The following SMOC1 variants were observed in gnomAD, a reference collection of about 807,000 sequenced individuals.
SMOC1 encodes the protein SPARC related modular calcium binding 1, also known as SPARC-related modular calcium-binding protein 1.
SMOC1 carries 22 observed loss-of-function variants against 56.3 expected under a neutral mutation model. The ratio of observed to expected loss-of-function variants is 0.39; its 90% CI spans 0.28 to 0.56. The LOEUF (loss-of-function observed/expected upper bound fraction) is 0.56. Among genes scored for constraint, SMOC1 ranks in the 20% least tolerant of loss-of-function variants. The probability of loss-of-function intolerance (pLI) is 0.61; values close to 1 mark genes in which losing one functional copy is unlikely to be tolerated. For synonymous variants in SMOC1, 193 were observed against 215.0 expected (o/e 0.90, Z 0.89); for missense variants, 509 against 565.4 (o/e 0.90, Z 1.01).
chr14:69,936,700 T>C (rs967229521), intron 1 of SMOC1, among the ~76,000 whole-genome samples: 1 of 152,238 alleles, frequency 6.6e-6, no homozygotes, highest in Admixed American at 6.5e-5. Flanking sequence ...TCAATCTGTT[T>C]GGATTCTGTG....
intron 1 of SMOC1, among the ~76,000 whole-genome samples, chr14:69,915,882 C>A (rs1315271606): frequency 1.3e-5 from 2 of 152,232 alleles, no homozygotes; most frequent in Admixed American, 1.3e-4. Context: ...TCATCTCTCT[C>A]ACCCATAAAT....
rs1415017637 is a variant in SMOC1 at position 70,030,909 on chromosome 14, T to A, written c.*651T>A. 1 of 152,094 alleles carries A rather than the reference T, an allele frequency of 6.6e-6. No individual in the cohort carries two copies. Among genetic ancestry groups the A allele is most frequent in the African/African-American group, 2.4e-5 (1 of 41,346 alleles). The allele number at this position is 152,094 out of a possible 1,614,324, so 9.4% of individuals were successfully genotyped here. A position where few individuals can be genotyped will look rare whatever the true frequency, so the allele number is the denominator to read the frequency against. On this transcript the variant is annotated 3_prime_UTR_variant, in exon 12 of 12. Coordinates refer to ENST00000361956, the MANE Select transcript of SMOC1 (RefSeq NM_001034852.3). Reference sequence around the variant, plus strand: ...TGGCTCTCGGCCTTGTCCAGGGAGGTTGGGCTAAGGAGAGATGGAAACTGC... The same window carrying A: ...TGGCTCTCGGCCTTGTCCAGGGAGGATGGGCTAAGGAGAGATGGAAACTGC...
chr14:69,954,955 T>C (rs568589018), intron 3 of SMOC1, among the ~76,000 whole-genome samples: 14 of 152,110 alleles, frequency 9.2e-5, no homozygotes, highest in Non-Finnish European at 1.9e-4. Context: ...AGGTTGAGGA[T>C]TGGATATCAG....
At chr14:69,990,083 T>G (rs1191643876) in intron 5 of SMOC1, among the ~76,000 whole-genome samples, 4 of 152,220 alleles carry the variant, frequency 2.6e-5, no homozygotes, top group Non-Finnish European at 5.9e-5. Flanking sequence ...ATTCCTTCCC[T>G]GCAAGTGGCT....
At chr14:69,976,380 G>T (rs543734365) in intron 4 of SMOC1, among the ~76,000 whole-genome samples, 73 of 152,276 alleles carry the variant, frequency 4.8e-4, no homozygotes, top group African/African-American at 1.6e-3. Context: ...AGATATCGAG[G>T]CTTCCTCTTG....
chr14:69,907,194 A>T (rs1455890251), intron 1 of SMOC1, among the ~76,000 whole-genome samples: 7 of 152,164 alleles, frequency 4.6e-5, no homozygotes, highest in Non-Finnish European at 5.9e-5. Context: ...TAGTCTAGGG[A>T]TTAACAACCA....
At chr14:69,910,183 A>T (rs964611424) in intron 1 of SMOC1, among the ~76,000 whole-genome samples, 3 of 152,234 alleles carry the variant, frequency 2.0e-5, no homozygotes, top group African/African-American at 7.2e-5. Context: ...ACTCTCATTT[A>T]TTTCTGTCAA....
intron 1 of SMOC1, chr14:69,886,089 C>A (rs1439898963): frequency 8.9e-6 from 14 of 1,572,654 alleles, no homozygotes; most frequent in Non-Finnish European, 1.2e-5. Flanking sequence ...TTCTTCACGA[C>A]AGCTGGGGCC....
intron 11 of SMOC1, among the ~76,000 whole-genome samples, 165 bp downstream of exon 11, chr14:70,023,612 T>C (rs1383754404): frequency 6.6e-6 from 1 of 152,198 alleles, no homozygotes; most frequent in East Asian, 1.9e-4. Context: ...GTGGTGGAAT[T>C]GACTGATAAG....
chr14:70,009,343 A>C (rs1885253277), intron 7 of SMOC1, among the ~76,000 whole-genome samples: 2 of 152,050 alleles, frequency 1.3e-5, no homozygotes, highest in South Asian at 4.1e-4. Flanking sequence ...CTTATCTGTA[A>C]AACTGCATTG....
chr14:69,881,040 C>G (rs917509125), intron 1 of SMOC1, among the ~76,000 whole-genome samples: 2 of 152,180 alleles, frequency 1.3e-5, no homozygotes, highest in African/African-American at 4.8e-5. Flanking sequence ...TGGGCCAGCC[C>G]TTGCTTTTAT....
chr14:69,950,329 G>C (rs1352648073), intron 1 of SMOC1, among the ~76,000 whole-genome samples: 1 of 152,178 alleles, frequency 6.6e-6, no homozygotes, highest in Non-Finnish European at 1.5e-5. Flanking sequence ...TTTGAGTTTG[G>C]CCAGTGTGGG....
At chr14:70,010,396 C>A (rs1421574221) in intron 7 of SMOC1, among the ~76,000 whole-genome samples, 1 of 152,238 alleles carries the variant, frequency 6.6e-6, no homozygotes, top group African/African-American at 2.4e-5. Context: ...ACAGACAGAA[C>A]ATCAGCAGGA....
Position 70,013,428 on chromosome 14 carries a change from T to C in SMOC1, c.983T>C (p.Leu328Pro). 6.2e-7 allele frequency: 1 copy of C among 1,614,204 alleles called. No homozygotes were observed. The highest frequency in any genetic ancestry group is 8.5e-7 in the Non-Finnish European group (1 of 1,180,038). Residue 328 changes from leucine to proline, a missense_variant, in exon 10 of 12, where the codon CTG (leucine) becomes CCG (proline). Transcript: ENST00000361956. ...AAAATGGAGTTTATCACCAGCCTAC[T>C]GGATGCTCTCACCACTGACATGGTT... ...GKKMEFITSL[L>P]DALTTDMVQA...
intron 1 of SMOC1, among the ~76,000 whole-genome samples, chr14:69,915,023 C>T (rs1490535676): frequency 5.3e-5 from 8 of 152,120 alleles, no homozygotes; most frequent in Non-Finnish European, 7.3e-5. Flanking sequence ...CCCACCACCA[C>T]GCCCGGCTAA....
intron 11 of SMOC1, among the ~76,000 whole-genome samples, chr14:70,025,704 C>T (rs527488565): frequency 6.6e-6 from 1 of 152,310 alleles, no homozygotes; most frequent in South Asian, 2.1e-4. Context: ...ATCTGAAATC[C>T]GATATGCTCC....
At chr14:69,975,621 A>G (rs1883919311) in intron 3 of SMOC1, 94 bp from the exon 4 acceptor site, 1 of 925,960 alleles carries the variant, frequency 1.1e-6, no homozygotes, top group Non-Finnish European at 1.8e-6. Flanking sequence ...ATGCTCTTTC[A>G]CCGTATGGGT....
chr14:69,986,287 G>T (rs1284245266), intron 5 of SMOC1, among the ~76,000 whole-genome samples: 1 of 152,196 alleles, frequency 6.6e-6, no homozygotes, highest in Non-Finnish European at 1.5e-5. Context: ...AGTAAAAGTG[G>T]CACAAGGGAG....
intron 1 of SMOC1, among the ~76,000 whole-genome samples, chr14:69,933,928 TA>T (rs1189077409): frequency 6.6e-6 from 1 of 152,242 alleles, no homozygotes; most frequent in Admixed American, 6.5e-5. Context: ...GGATGCAGTT[TA>T]AAAAACTGAT....
Sources: allele counts gnomAD v4.1 joint callset (sites outside exome capture counted in the v4.1 genomes callset), GRCh38; gene constraint gnomAD v4.1.1; transcripts MANE v1.5; gene names NCBI Gene and HGNC (gene_info 2026-07-23, HGNC 2026-07-21).